Variants in BICD1 observed in about 807,000 individuals in gnomAD.
BICD1 encodes BICD cargo adaptor 1, also known as protein bicaudal D homolog 1.
BICD1 carries 35 observed loss-of-function variants against 92.5 expected under a neutral mutation model. The ratio of observed to expected loss-of-function variants is 0.38; its 90% CI spans 0.29 to 0.50. The LOEUF is 0.50. BICD1 is among the 20% of genes least tolerant of loss of function. The pLI, the probability that BICD1 is intolerant of heterozygous loss-of-function variation, is 0.93. For missense variants in BICD1, 950 were observed against 1,189.8 expected (o/e 0.80, Z 2.97); for synonymous variants, 429 against 465.1 (o/e 0.92, Z 1.00).
chr12:32,186,157 C>A (rs1022116293), intron 1 of BICD1, among the ~76,000 whole-genome samples: 3 of 152,174 alleles, frequency 2.0e-5, no homozygotes, highest in African/African-American at 7.2e-5. Context: ...ACTTGAGATT[C>A]TGTGGCTCTT....
chr12:32,282,020 C>G (rs1351649799), intron 2 of BICD1, among the ~76,000 whole-genome samples: 1 of 152,024 alleles, frequency 6.6e-6, no homozygotes, highest in Non-Finnish European at 1.5e-5. Flanking sequence ...TCACTAAAAT[C>G]AGATTATGTG....
At chr12:32,221,152 G>A in intron 2 of BICD1, among the ~76,000 whole-genome samples, 1 of 150,448 alleles carries the variant, frequency 6.6e-6, no homozygotes, top group Non-Finnish European at 1.5e-5. Flanking sequence ...TAAATGACGA[G>A]TTAATGGGTG....
rs1942040984 is a variant in BICD1, at chr12:32,118,748, T to G, written c.213+11204T>G. Among the ~76,000 whole-genome samples, 2 of 152,234 alleles carry G rather than the reference T, an allele frequency of 1.3e-5. 1 individual carries two copies. Among genetic ancestry groups the G allele is most frequent in the Admixed American group, 1.3e-4 (2 of 15,280 alleles). On this transcript the variant is annotated intron_variant, in intron 1 of 9. Coordinates refer to ENST00000652176, the MANE Select transcript of BICD1 (RefSeq NM_001714.4). ...ACCCTCACCCAGACTGAGGGATGAC[T>G]GTATTTACGTTATCTACCACTCTGA... is the stretch of plus-strand genomic sequence containing the variant.
intron 4 of BICD1, among the ~76,000 whole-genome samples, chr12:32,318,854 GA>G (rs1012451969): frequency 7.3e-5 from 11 of 151,484 alleles, no homozygotes; most frequent in Non-Finnish European, 1.3e-4. Flanking sequence ...AACTCCATCT[GA>G]AAAAAAAATT....
intron 1 of BICD1, among the ~76,000 whole-genome samples, chr12:32,159,589 C>T (rs946292437): frequency 2.6e-5 from 4 of 152,158 alleles, no homozygotes; most frequent in African/African-American, 4.8e-5. Flanking sequence ...CCCAAAGGAA[C>T]GTTCTGGCGA....
intron 2 of BICD1, among the ~76,000 whole-genome samples, chr12:32,233,793 G>A (rs910196840): frequency 6.6e-6 from 1 of 152,100 alleles, no homozygotes; most frequent in Non-Finnish European, 1.5e-5. Flanking sequence ...GATGCTTACT[G>A]GACAATTTTA....
At chr12:32,363,333 T>A (rs1939404071) in intron 8 of BICD1, among the ~76,000 whole-genome samples, 1 of 152,138 alleles carries the variant, frequency 6.6e-6, no homozygotes, top group Admixed American at 6.6e-5. Context: ...GCAGGAGGAT[T>A]ACTTGAACTC....
At chr12:32,143,358 T>G (rs539175956) in intron 1 of BICD1, among the ~76,000 whole-genome samples, 2 of 152,196 alleles carry the variant, frequency 1.3e-5, no homozygotes, top group Non-Finnish European at 2.9e-5. Context: ...TCTTTTATAG[T>G]TTTATCACAC....
At chr12:32,236,872 C>CTTTTTTTTT (rs57318640) in intron 2 of BICD1, among the ~76,000 whole-genome samples, 3 of 89,320 alleles carry the variant, frequency 3.4e-5, no homozygotes, top group Admixed American at 1.3e-4. Flanking sequence ...AAGTCTAATT[C>CTTTTTTTTT]TTTTTTTTTT....
At chr12:32,180,442 T>G (rs895803070) in intron 1 of BICD1, among the ~76,000 whole-genome samples, 1 of 152,006 alleles carries the variant, frequency 6.6e-6, no homozygotes, top group Non-Finnish European at 1.5e-5. Context: ...GGCCTATTTT[T>G]TGGCATTTCC....
At position 32,337,460 on chromosome 12, in the gene BICD1, C is replaced by A; in HGVS notation, c.2253-39C>A. The A allele has an allele frequency of 6.4e-7, 1 of 1,560,076 alleles. No individual in the cohort carries two copies. The highest frequency in any genetic ancestry group is 8.7e-7 in the Non-Finnish European group (1 of 1,147,518). On this transcript the variant is annotated intron_variant, in intron 6 of 9. Coordinates refer to ENST00000652176, the MANE Select transcript of BICD1 (RefSeq NM_001714.4). The surrounding 1 kb of genome is among the most constrained non-coding windows in gnomAD (Gnocchi z 4.7). ...GCTTAACTCCCAAATTCAGTTTCAC[C>A]AAGATTTTCCTCTGACCACTTCTCT...
intron 4 of BICD1, among the ~76,000 whole-genome samples, chr12:32,323,678 G>C (rs1440505143): frequency 6.6e-6 from 1 of 152,160 alleles, no homozygotes; most frequent in African/African-American, 2.4e-5. Context: ...CAACTTAAAA[G>C]CCTCTAAATA....
At chr12:32,127,938 G>T (rs1798265) in intron 1 of BICD1, among the ~76,000 whole-genome samples, 1 of 150,428 alleles carries the variant, frequency 6.6e-6, no homozygotes, top group Non-Finnish European at 1.5e-5. Flanking sequence ...GACTCTTGCT[G>T]TGTCATCCAG....
chr12:32,151,183 G>T (rs911121085), intron 1 of BICD1, among the ~76,000 whole-genome samples: 1 of 152,186 alleles, frequency 6.6e-6, no homozygotes, highest in Non-Finnish European at 1.5e-5. Flanking sequence ...GCTGGAAACA[G>T]TGGAGCATGT....
chr12:32,345,720 G>A (rs934242161), intron 8 of BICD1, among the ~76,000 whole-genome samples: 1 of 152,090 alleles, frequency 6.6e-6, no homozygotes, highest in Non-Finnish European at 1.5e-5. Flanking sequence ...TTCTATGTGT[G>A]CAATAGAAAT....
rs1377888333 is a variant in BICD1 at position 32,107,038 on chromosome 12, C to G, written c.-294C>G. 3 of 371,932 alleles carry G rather than the reference C, an allele frequency of 8.1e-6. No homozygotes were observed. The highest frequency in any genetic ancestry group is 6.4e-5 in the African/African-American group (3 of 47,028). The allele number at this position is 371,932 out of a possible 1,614,324, so 23.0% of individuals were successfully genotyped here. ...GCGGCCGCCGCAGCCCGGGCCATGC[C>G]GCACGGCTGCTGACCGCACGCAGGG... On this transcript the variant is annotated 5_prime_UTR_variant, in exon 1 of 10. Coordinates refer to ENST00000652176, the MANE Select transcript of BICD1 (RefSeq NM_001714.4).
chr12:32,193,869 C>G (rs1460531958), intron 1 of BICD1, among the ~76,000 whole-genome samples: 3 of 152,112 alleles, frequency 2.0e-5, no homozygotes, highest in Non-Finnish European at 1.5e-5. Context: ...GCCAGCAACA[C>G]CCTCATACCA....
chr12:32,377,392 T>C (rs1448646761), intron 9 of BICD1, 148 bp from the exon 10 acceptor site: 2 of 643,434 alleles, frequency 3.1e-6, no homozygotes, highest in South Asian at 4.0e-5. Flanking sequence ...TACCATTATC[T>C]TGGCATGCTT....
rs2121549690 is a variant in BICD1, at chr12:32,205,734, T to C, written c.214-10513T>C. Among the ~76,000 whole-genome samples the C allele has an allele frequency of 1.3e-5, 2 of 148,808 alleles. 1 individual carries two copies. The highest frequency in any genetic ancestry group is 3.9e-4 in the East Asian group (2 of 5,124). ...AATATATTATATGTCAATTTTGACA[T>C]ATGTATATACTTGCGAAATCATCAA... is the stretch of plus-strand genomic sequence containing the variant. On this transcript the variant is annotated intron_variant, in intron 1 of 9. Coordinates refer to ENST00000652176, the MANE Select transcript of BICD1 (RefSeq NM_001714.4).
Sources: allele counts gnomAD v4.1 joint callset (sites outside exome capture counted in the v4.1 genomes callset), GRCh38; gene constraint gnomAD v4.1.1; non-coding constraint Gnocchi (gnomAD v3.1); transcripts MANE v1.5; gene names NCBI Gene and HGNC (gene_info 2026-07-23, HGNC 2026-07-21).